The following WDR70 variants were observed in gnomAD, a reference collection of about 807,000 sequenced individuals.
The protein encoded by WDR70 is WD repeat domain 70, also known as WD repeat-containing protein 70.
Under a neutral mutation model 88.6 loss-of-function variants are expected in WDR70, and 53 were observed. That is an observed-to-expected ratio of 0.60 (90% CI 0.48 to 0.75). The LOEUF is 0.75. WDR70 is among the 30% of genes least tolerant of loss of function. The pLI is 0.00. For missense variants in WDR70, 610 were observed against 823.2 expected (o/e 0.74, Z 3.17); for synonymous variants, 280 against 270.0 (o/e 1.04, Z -0.36).
chr5:37,531,464 A>C (rs992387096), intron 9 of WDR70, among the ~76,000 whole-genome samples: 1 of 151,906 alleles, frequency 6.6e-6, no homozygotes, highest in Non-Finnish European at 1.5e-5. Context: ...CCAGTGTTAG[A>C]TATATGCATA....
rs59026349 is a variant in WDR70 at position 37,414,144 on chromosome 5, CAAAAAAAAAAA to C, written c.492+17583_492+17593del. On this transcript the variant is annotated intron_variant, in intron 5 of 17. Coordinates refer to ENST00000265107, the MANE Select transcript of WDR70 (RefSeq NM_018034.4). ...GGGCAACAGGAGCAAAACTCTGTCT[CAAAAAAAAAAA>C]AAAAAAAAGAAAATATATATCAGAT... Among the ~76,000 whole-genome samples, 10 of 94,090 alleles carry C rather than the reference CAAAAAAAAAAA, an allele frequency of 1.1e-4. No homozygotes were observed. The East Asian group carries it at 2.9e-3, about 27-fold the overall frequency. 61.7% of individuals were successfully genotyped at this position (94,090 alleles called of 152,430 possible).
chr5:37,514,626 T>G (rs1740832193), intron 8 of WDR70, among the ~76,000 whole-genome samples: 1 of 151,802 alleles, frequency 6.6e-6, no homozygotes, highest in African/African-American at 2.4e-5. Flanking sequence ...CAGCTCCCAC[T>G]TATAAGTGAG....
intron 9 of WDR70, among the ~76,000 whole-genome samples, chr5:37,582,130 A>G (rs1247980665): frequency 2.0e-5 from 3 of 152,122 alleles, no homozygotes; most frequent in African/African-American, 4.8e-5. Flanking sequence ...GTTACTAGGT[A>G]TAGTAAGGGT....
At chr5:37,435,528 T>A (rs952225185) in intron 5 of WDR70, among the ~76,000 whole-genome samples, 5 of 152,196 alleles carry the variant, frequency 3.3e-5, no homozygotes, top group African/African-American at 7.2e-5. Flanking sequence ...TTCCACAGTA[T>A]AGTAAACAAA....
intron 13 of WDR70, among the ~76,000 whole-genome samples, chr5:37,705,052 C>T (rs1289205611): frequency 6.6e-6 from 1 of 151,928 alleles, no homozygotes; most frequent in Non-Finnish European, 1.5e-5. Flanking sequence ...CGTAAAAATA[C>T]ATAGAGATAA....
intron 7 of WDR70, among the ~76,000 whole-genome samples, chr5:37,464,774 C>T (rs951075369): frequency 6.6e-6 from 1 of 152,168 alleles, no homozygotes; most frequent in Non-Finnish European, 1.5e-5. Context: ...ACTTCAGGAG[C>T]CTGACAGTGG....
At chr5:37,533,091 G>C (rs555039093) in intron 9 of WDR70, among the ~76,000 whole-genome samples, 1 of 152,162 alleles carries the variant, frequency 6.6e-6, no homozygotes, top group Admixed American at 6.5e-5. Flanking sequence ...GGGTGTGTCC[G>C]CAAAGAGTCC....
In WDR70 at chr5:37,394,102, C is replaced by T. The variant is rs537617122; in HGVS notation, c.296+1982C>T. 5.9e-5 allele frequency among the ~76,000 whole-genome samples: 9 copies of T among 151,872 alleles called. No individual in the cohort carries two copies. In the East Asian group the frequency reaches 1.4e-3, roughly 23 times the overall value. On this transcript the variant is annotated intron_variant, in intron 4 of 17. Transcript: ENST00000265107. ...TGGGTGGATCACGAGGTCAGGAGTT[C>T]GAGACCAGCCTGGCCAACATGATGA...
chr5:37,402,346 A>G (rs1230633762), intron 5 of WDR70, among the ~76,000 whole-genome samples: 1 of 148,480 alleles, frequency 6.7e-6, no homozygotes, highest in African/African-American at 2.5e-5. Flanking sequence ...TTTTAAATCC[A>G]TTCATTTATT....
At chr5:37,469,737 TAGTG>T (rs1309655103) in intron 7 of WDR70, among the ~76,000 whole-genome samples, 1 of 152,202 alleles carries the variant, frequency 6.6e-6, no homozygotes, top group Non-Finnish European at 1.5e-5. Context: ...GAAGAGTTCT[TAGTG>T]AGGCCTGGGT....
chr5:37,725,694 C>T (rs963140383), intron 16 of WDR70, among the ~76,000 whole-genome samples: 2 of 151,836 alleles, frequency 1.3e-5, no homozygotes, highest in Admixed American at 6.6e-5. Flanking sequence ...TTTCTAACAC[C>T]GTCCTAACTA....
intron 8 of WDR70, among the ~76,000 whole-genome samples, chr5:37,497,928 T>A (rs1335119863): frequency 6.6e-6 from 1 of 152,284 alleles, no homozygotes; most frequent in Admixed American, 6.5e-5. Flanking sequence ...TTCAAGTGAT[T>A]CTCATGCTTC....
intron 17 of WDR70, among the ~76,000 whole-genome samples, chr5:37,744,794 C>G (rs1021806022): frequency 2.0e-5 from 3 of 151,714 alleles, no homozygotes; most frequent in African/African-American, 7.3e-5. Context: ...ATTAAAAAAA[C>G]GAACCTATGA....
chr5:37,479,145 A>T (rs762533552), intron 7 of WDR70, among the ~76,000 whole-genome samples: 50 of 152,128 alleles, frequency 3.3e-4, no homozygotes, highest in Non-Finnish European at 3.1e-4. Flanking sequence ...AAAGAGGAGG[A>T]GGAAGAAAGT....
chr5:37,612,394 G>A (rs776816585), intron 10 of WDR70, among the ~76,000 whole-genome samples: 5 of 152,066 alleles, frequency 3.3e-5, no homozygotes, highest in Non-Finnish European at 7.4e-5. Flanking sequence ...CAGATTTCAT[G>A]TCTGTGAGTC....
chr5:37,721,073 T>C (rs1747797057), intron 13 of WDR70, 42 bp from the exon 14 acceptor site: 1 of 1,573,792 alleles, frequency 6.4e-7, no homozygotes. Flanking sequence ...TTTCCATTTT[T>C]ATCTGGCCTC....
At chr5:37,545,210 C>A (rs1426026145) in intron 9 of WDR70, among the ~76,000 whole-genome samples, 1 of 152,032 alleles carries the variant, frequency 6.6e-6, no homozygotes, top group Non-Finnish European at 1.5e-5. Flanking sequence ...GTTGGTATGA[C>A]AATTCTGTAG....
Position 37,536,582 on chromosome 5 carries a change from T to A in WDR70, c.917+19992T>A, listed in dbSNP as rs1741673090. Among the ~76,000 whole-genome samples the A allele has an allele frequency of 2.0e-5, 3 of 152,138 alleles. No homozygotes were observed. The South Asian group carries it at 6.2e-4, about 31-fold the overall frequency. On this transcript the variant is annotated intron_variant, in intron 9 of 17. Coordinates refer to ENST00000265107, the MANE Select transcript of WDR70 (RefSeq NM_018034.4). ...TTTTGGAGGATTTTGGATTTTTGGA[T>A]TAGGGATACTCAAACCTGTATTTCT...
chr5:37,666,691 G>C (rs1325430801), intron 10 of WDR70, among the ~76,000 whole-genome samples: 3 of 152,178 alleles, frequency 2.0e-5, no homozygotes, highest in Non-Finnish European at 4.4e-5. Context: ...CACTTTAGTT[G>C]CAAATGAGGG....
Sources: allele counts gnomAD v4.1 joint callset (sites outside exome capture counted in the v4.1 genomes callset), GRCh38; gene constraint gnomAD v4.1.1; transcripts MANE v1.5; gene names NCBI Gene and HGNC (gene_info 2026-07-23, HGNC 2026-07-21).